The following NRG3 variants were observed in gnomAD, a reference collection of about 807,000 sequenced individuals.
The protein encoded by NRG3 is pro-neuregulin-3, membrane-bound isoform.
A neutral mutation model predicts 66.9 loss-of-function variants in NRG3; 31 were observed. The observed-to-expected ratio is 0.46, with a 90% confidence interval of 0.35 to 0.63. NRG3 has a LOEUF of 0.63. Ranked by LOEUF, NRG3 falls within the 20% of genes least tolerant of loss-of-function variation. NRG3 has a pLI of 0.00. For synonymous variants in NRG3, 393 were observed against 359.4 expected (o/e 1.09, Z -1.06); for missense variants, 910 against 878.9 (o/e 1.04, Z -0.45).
chr10:82,700,051 T>C lies in NRG3; in HGVS notation c.954-38526T>C, dbSNP rs76318427. Among the ~76,000 whole-genome samples the C allele has an allele frequency of 7.9e-5, 12 of 152,260 alleles. No homozygotes were observed. The East Asian group carries it at 9.6e-4, about 12-fold the overall frequency. ...TCAAGAAGAAATTCAACAGGGTAAG[T>C]ACAATTAGGGATATGGTATTTCACG... On this transcript the variant is annotated intron_variant, in intron 2 of 8. Transcript: ENST00000372141.
intron 1 of NRG3, among the ~76,000 whole-genome samples, chr10:81,924,675 G>A (rs1031666691): frequency 6.6e-6 from 1 of 152,100 alleles, no homozygotes; most frequent in African/African-American, 2.4e-5. Context: ...CTAGACCATC[G>A]TTCGAATTAA....
chr10:82,327,398 A>G (rs754885299), intron 1 of NRG3, among the ~76,000 whole-genome samples: 84 of 152,348 alleles, frequency 5.5e-4, no homozygotes, highest in Middle Eastern at 3.4e-3. Flanking sequence ...AACTGTGTCT[A>G]CAATCAAGAG....
intron 1 of NRG3, among the ~76,000 whole-genome samples, chr10:82,125,521 C>T (rs1649933): frequency 0.71 from 107,195 of 151,864 alleles, 38,864 homozygotes; most frequent in African/African-American, 0.8. Context: ...AGCTGGGACA[C>T]CTCTTTTTAG....
At chr10:82,141,275 T>G (rs2069763452) in intron 1 of NRG3, among the ~76,000 whole-genome samples, 1 of 152,078 alleles carries the variant, frequency 6.6e-6, no homozygotes, top group African/African-American at 2.4e-5. Flanking sequence ...TTCTCAAAAT[T>G]TTTCCTTTTG....
intron 1 of NRG3, among the ~76,000 whole-genome samples, chr10:82,224,685 C>T (rs1325400976): frequency 1.3e-5 from 2 of 152,132 alleles, no homozygotes; most frequent in African/African-American, 4.8e-5. Flanking sequence ...TGAAGTGATA[C>T]CACACCAGGA....
At chr10:82,602,086 A>AAAAT (rs2047673931) in intron 2 of NRG3, among the ~76,000 whole-genome samples, 1 of 151,562 alleles carries the variant, frequency 6.6e-6, no homozygotes, top group Non-Finnish European at 1.5e-5. Context: ...CTGTCTCTAA[A>AAAAT]AAATAAATAA....
At chr10:82,259,935 T>TA (rs886450278) in intron 1 of NRG3, among the ~76,000 whole-genome samples, 15 of 129,144 alleles carry the variant, frequency 1.2e-4, no homozygotes, top group African/African-American at 2.4e-4. Context: ...TTGTCTCTAT[T>TA]AAAAAAACAA....
chr10:82,531,367 A>G (rs1847243518), intron 2 of NRG3, among the ~76,000 whole-genome samples: 3 of 151,864 alleles, frequency 2.0e-5, no homozygotes, highest in Middle Eastern at 3.4e-3. Flanking sequence ...GATTAGTTCG[A>G]TGATGTTATT....
At chr10:82,836,390 A>G (rs2062777060) in intron 3 of NRG3, among the ~76,000 whole-genome samples, 1 of 152,178 alleles carries the variant, frequency 6.6e-6, no homozygotes, top group South Asian at 2.1e-4. Flanking sequence ...AAGTTCAAGG[A>G]CAAGATATTA....
rs1241301654 is a variant in NRG3 at position 82,671,871 on chromosome 10, T to C, written c.954-66706T>C. ...ATGTGAAGCTATGCTAACATCTATT[T>C]ATCACAGGCAAAGTTTTGATTAATT... On this transcript the variant is annotated intron_variant, in intron 2 of 8. Transcript: ENST00000372141. Among the ~76,000 whole-genome samples the C allele has an allele frequency of 5.3e-5, 8 of 152,338 alleles. No individual in the cohort carries two copies. In the East Asian group the frequency reaches 1.5e-3, roughly 29 times the overall value.
At chr10:82,576,969 C>A (rs1432432614) in intron 2 of NRG3, among the ~76,000 whole-genome samples, 4 of 151,748 alleles carry the variant, frequency 2.6e-5, no homozygotes, top group Non-Finnish European at 5.9e-5. Context: ...CATCTCAAAG[C>A]AATGAGTGAC....
chr10:82,604,708 T>C (rs905434663), intron 2 of NRG3, among the ~76,000 whole-genome samples: 1 of 152,126 alleles, frequency 6.6e-6, no homozygotes, highest in Admixed American at 6.6e-5. Flanking sequence ...TATAGTCAAC[T>C]GATGTTTGAC....
chr10:81,883,155 C>T (rs1842331254), intron 1 of NRG3, among the ~76,000 whole-genome samples: 1 of 152,142 alleles, frequency 6.6e-6, no homozygotes, highest in African/African-American at 2.4e-5. Context: ...TTCCCTTGGC[C>T]ACTTAGCAGT....
intron 1 of NRG3, among the ~76,000 whole-genome samples, chr10:82,266,362 C>A (rs2078293657): frequency 6.6e-6 from 1 of 151,936 alleles, no homozygotes; most frequent in Non-Finnish European, 1.5e-5. Context: ...ATCACCTGGA[C>A]ATGTGGAGCT....
At chr10:82,059,544 G>T (rs145777399) in intron 1 of NRG3, among the ~76,000 whole-genome samples, 14 of 152,194 alleles carry the variant, frequency 9.2e-5, no homozygotes, top group African/African-American at 3.4e-4. Flanking sequence ...AAATAATTTG[G>T]CAGGAGACTT....
chr10:82,296,431 T>G (rs1338583067), intron 1 of NRG3, among the ~76,000 whole-genome samples: 1 of 152,144 alleles, frequency 6.6e-6, no homozygotes, highest in African/African-American at 2.4e-5. Flanking sequence ...AGAGAAGAGA[T>G]ATTCACGGCT....
intron 6 of NRG3, among the ~76,000 whole-genome samples, chr10:82,959,882 A>G (rs1313981201): frequency 2.2e-4 from 34 of 152,234 alleles, no homozygotes; most frequent in Admixed American, 1.3e-4. Flanking sequence ...AATTAAAGCA[A>G]GAGAATTCTG....
chr10:82,961,078 T>G (rs146506288), intron 6 of NRG3, among the ~76,000 whole-genome samples: 4 of 152,166 alleles, frequency 2.6e-5, no homozygotes, highest in African/African-American at 9.7e-5. Context: ...CAGAATACAA[T>G]ATCAGCACCA....
chr10:82,978,539 G>C (rs946408110), intron 7 of NRG3, among the ~76,000 whole-genome samples: 1 of 152,284 alleles, frequency 6.6e-6, no homozygotes, highest in East Asian at 1.9e-4. Flanking sequence ...GGCTTACTGT[G>C]TTCAGTTTTT....
Sources: allele counts gnomAD v4.1 joint callset (sites outside exome capture counted in the v4.1 genomes callset), GRCh38; gene constraint gnomAD v4.1.1; transcripts MANE v1.5; gene names NCBI Gene and HGNC (gene_info 2026-07-23, HGNC 2026-07-21).